DIAPH2: variants seen among roughly 807,000 people sequenced by gnomAD.
DIAPH2 encodes protein diaphanous homolog 2.
DIAPH2 carries 35 observed loss-of-function variants against 92.7 expected under a neutral mutation model. The observed-to-expected ratio is 0.38, with a 90% CI of 0.29 to 0.50. DIAPH2 has a LOEUF of 0.50. DIAPH2 is among the 20% of genes least tolerant of loss of function. The pLI is 0.94. For missense variants in DIAPH2, 701 were observed against 819.5 expected (o/e 0.86, Z 1.77); for synonymous variants, 301 against 280.4 (o/e 1.07, Z -0.73).
At chrX:97,135,422 G>A (rs9887318) in intron 21 of DIAPH2, among the ~76,000 whole-genome samples, 4,586 of 110,739 alleles carry the variant, frequency 0.041, 249 homozygotes, top group African/African-American at 0.14. Context: ...TGGCCAGGCT[G>A]GTCTCAAACT....
chrX:97,299,986 A>G (rs1482024281), intron 23 of DIAPH2, among the ~76,000 whole-genome samples: 1 of 112,148 alleles, frequency 8.9e-6, no homozygotes, highest in East Asian at 2.8e-4. Context: ...TTCTTTTAGA[A>G]TAATAGAAGC....
chrX:96,743,312 G>A (rs2064131001), intron 3 of DIAPH2, among the ~76,000 whole-genome samples: 1 of 109,364 alleles, frequency 9.1e-6, no homozygotes, highest in African/African-American at 3.3e-5. Flanking sequence ...TTATAGACTT[G>A]TATATGCAGA....
At chrX:97,539,868 T>C (rs2071126401) in intron 26 of DIAPH2, among the ~76,000 whole-genome samples, 1 of 111,756 alleles carries the variant, frequency 8.9e-6, no homozygotes, top group Admixed American at 9.5e-5. Context: ...TACACAAATT[T>C]ATACTTACTT....
intron 4 of DIAPH2, among the ~76,000 whole-genome samples, chrX:96,860,720 A>G (rs978165221): frequency 4.5e-5 from 5 of 111,965 alleles, no homozygotes; most frequent in African/African-American, 1.6e-4. Context: ...ATTATGAGCC[A>G]TACACTCAGG....
intron 3 of DIAPH2, among the ~76,000 whole-genome samples, chrX:96,746,173 T>A (rs1313911337): frequency 8.9e-6 from 1 of 111,994 alleles, no homozygotes; most frequent in Admixed American, 9.5e-5. Context: ...GTGCTGGGAT[T>A]ATAGGTATGA....
At chrX:96,890,545 C>T (rs146955225) in intron 5 of DIAPH2, among the ~76,000 whole-genome samples, 3,451 of 111,249 alleles carry the variant, frequency 0.031, 153 homozygotes, top group African/African-American at 0.11. Flanking sequence ...GAACCCACAC[C>T]GTTGTCCTCT....
At chrX:97,329,929 CACACACA>C (rs1569364101) in intron 23 of DIAPH2, among the ~76,000 whole-genome samples, 43 of 104,480 alleles carry the variant, frequency 4.1e-4, no homozygotes, top group East Asian at 3.7e-3. Context: ...CACACACACA[CACACACA>C]CCCCACATGC....
At chrX:96,813,278 G>T (rs2064701069) in intron 4 of DIAPH2, among the ~76,000 whole-genome samples, 1 of 107,894 alleles carries the variant, frequency 9.3e-6, no homozygotes, top group East Asian at 2.8e-4. Flanking sequence ...TTATATAATG[G>T]CCTTCTTTGT....
At chrX:97,503,930 TAGTC>T in intron 26 of DIAPH2, among the ~76,000 whole-genome samples, 1 of 111,755 alleles carries the variant, frequency 8.9e-6, no homozygotes. Context: ...TCAAACTAAA[TAGTC>T]AGCTATGTTA....
chrX:96,790,384 G>A (rs2064491588), intron 4 of DIAPH2, among the ~76,000 whole-genome samples: 1 of 111,564 alleles, frequency 9.0e-6, no homozygotes, highest in African/African-American at 3.3e-5. Flanking sequence ...AAATTTAATT[G>A]CTGAGCTGTT....
intron 21 of DIAPH2, among the ~76,000 whole-genome samples, chrX:97,140,941 G>A (rs914540695): frequency 9.0e-6 from 1 of 111,386 alleles, no homozygotes; most frequent in African/African-American, 3.3e-5. Flanking sequence ...TTGTTTCTAA[G>A]TAAATCCTTG....
chrX:96,939,958 C>T (rs1242927525), intron 12 of DIAPH2, among the ~76,000 whole-genome samples: 5 of 105,215 alleles, frequency 4.8e-5, no homozygotes, highest in African/African-American at 1.1e-4. Context: ...CCACCGCGCC[C>T]GGCCCAGGTA....
chrX:97,518,100 C>T (rs2070963103), intron 26 of DIAPH2, among the ~76,000 whole-genome samples: 2 of 112,233 alleles, frequency 1.8e-5, no homozygotes, highest in African/African-American at 6.5e-5. Context: ...GAGCAGAAGG[C>T]TTGGGGCCAG....
chrX:97,083,896 C>G (rs956969200), intron 19 of DIAPH2, among the ~76,000 whole-genome samples: 1 of 111,426 alleles, frequency 9.0e-6, no homozygotes, highest in African/African-American at 3.3e-5. Context: ...CTGATTCTGA[C>G]AGAATGCATT....
chrX:96,750,171 C>T (rs2064178753), intron 3 of DIAPH2, among the ~76,000 whole-genome samples: 1 of 104,581 alleles, frequency 9.6e-6, no homozygotes, highest in African/African-American at 3.5e-5. Flanking sequence ...GATTCTCTTG[C>T]CTCAGCCTCC....
chrX:97,300,707 C>G (rs5921776), intron 23 of DIAPH2, among the ~76,000 whole-genome samples: 1 of 88,828 alleles, frequency 1.1e-5, no homozygotes, highest in African/African-American at 3.9e-5. Context: ...CCGAGGCGGG[C>G]GGATCACAAG....
chrX:96,752,224 T>C (rs2086428506), intron 3 of DIAPH2, among the ~76,000 whole-genome samples: 1 of 111,871 alleles, frequency 8.9e-6, no homozygotes, highest in Non-Finnish European at 1.9e-5. Context: ...CTTATTTCTA[T>C]AGAATAAAAT....
At chrX:96,790,219 G>A (rs936733174) in intron 4 of DIAPH2, among the ~76,000 whole-genome samples, 6 of 109,743 alleles carry the variant, frequency 5.5e-5, no homozygotes, top group African/African-American at 2.0e-4. Flanking sequence ...ACAGGCATGT[G>A]CCACCACGCC....
chrX:96,929,062 T>C (rs1372328328), intron 9 of DIAPH2, among the ~76,000 whole-genome samples: 2 of 111,490 alleles, frequency 1.8e-5, no homozygotes, highest in Non-Finnish European at 1.9e-5. Flanking sequence ...GCAAAAACAA[T>C]CCTAACAGAT....
Sources: allele counts gnomAD v4.1 joint callset (sites outside exome capture counted in the v4.1 genomes callset), GRCh38; gene constraint gnomAD v4.1.1; transcripts MANE v1.5; gene names NCBI Gene and HGNC (gene_info 2026-07-23, HGNC 2026-07-21).